The following CNTNAP5 variants were observed in gnomAD, a reference collection of about 807,000 sequenced individuals.
CNTNAP5 encodes contactin associated protein family member 5.
Under a neutral mutation model 150.2 loss-of-function variants are expected in CNTNAP5, and 72 were observed. The ratio of observed to expected loss-of-function variants is 0.48; its 90% CI spans 0.40 to 0.58. CNTNAP5 has a LOEUF of 0.58. CNTNAP5 is among the 20% of genes least tolerant of loss of function. The pLI is 0.00. For synonymous variants in CNTNAP5, 672 were observed against 619.8 expected (o/e 1.08, Z -1.25); for missense variants, 1,636 against 1,626.2 (o/e 1.01, Z -0.10).
At chr2:124,241,373 G>T (rs11898607) in intron 2 of CNTNAP5, among the ~76,000 whole-genome samples, 1,529 of 151,792 alleles carry the variant, frequency 0.01, 22 homozygotes, top group African/African-American at 0.035. Flanking sequence ...ATGCCTCTGA[G>T]ATTTTGTGTA....
chr2:124,316,425 G>A (rs1273426817), intron 3 of CNTNAP5, among the ~76,000 whole-genome samples: 1 of 152,154 alleles, frequency 6.6e-6, no homozygotes, highest in Non-Finnish European at 1.5e-5. Flanking sequence ...TCACAGGACT[G>A]TTAAAAGGTT....
chr2:124,833,249 G>T (rs1349462329), intron 19 of CNTNAP5, among the ~76,000 whole-genome samples: 1 of 152,094 alleles, frequency 6.6e-6, no homozygotes, highest in Non-Finnish European at 1.5e-5. Flanking sequence ...TCTCATGGAA[G>T]AACTTACCCT....
intron 3 of CNTNAP5, among the ~76,000 whole-genome samples, chr2:124,410,448 A>C (rs1049468363): frequency 2.0e-5 from 3 of 149,414 alleles, no homozygotes; most frequent in Non-Finnish European, 4.5e-5. Context: ...ACCACACCAC[A>C]CCTATTCCAA....
chr2:124,413,899 A>T (rs190328135), intron 3 of CNTNAP5, among the ~76,000 whole-genome samples: 8,082 of 127,178 alleles, frequency 0.064, 228 homozygotes, highest in African/African-American at 0.082. Context: ...ATAAATAAAT[A>T]AATTAAAAAA....
At chr2:124,053,450 A>G (rs1681761531) in intron 1 of CNTNAP5, among the ~76,000 whole-genome samples, 1 of 152,208 alleles carries the variant, frequency 6.6e-6, no homozygotes. Context: ...TTCTGTCTTG[A>G]GACAGGTAAA....
At chr2:124,828,735 CAAAAAAAAAAAAAAAAAAAAAAAAAA>C (rs60339676) in intron 19 of CNTNAP5, among the ~76,000 whole-genome samples, 1 of 23,082 alleles carries the variant, frequency 4.3e-5, no homozygotes, top group African/African-American at 1.3e-4. Context: ...CAAGTGTTGG[CAAAAAAAAAAAAAAAAAAAAAAAAAA>C]AAAAAAAAAA....
intron 19 of CNTNAP5, among the ~76,000 whole-genome samples, chr2:124,832,663 C>T (rs2104682871): frequency 6.6e-6 from 1 of 152,032 alleles, no homozygotes; most frequent in South Asian, 2.1e-4. Flanking sequence ...GATAATACTT[C>T]AATGATTACA....
intron 20 of CNTNAP5, among the ~76,000 whole-genome samples, chr2:124,868,190 G>A (rs974170456): frequency 6.6e-6 from 1 of 152,126 alleles, no homozygotes; most frequent in African/African-American, 2.4e-5. Flanking sequence ...AGTGATCCTG[G>A]TGAAGGAATA....
intron 6 of CNTNAP5, among the ~76,000 whole-genome samples, chr2:124,464,162 A>G (rs967643567): frequency 2.6e-5 from 4 of 152,144 alleles, no homozygotes; most frequent in African/African-American, 9.7e-5. Flanking sequence ...GTCAGAAGCC[A>G]TAGGCAGAAT....
At chr2:124,765,372 A>G (rs922178098) in intron 16 of CNTNAP5, among the ~76,000 whole-genome samples, 9 of 152,170 alleles carry the variant, frequency 5.9e-5, no homozygotes, top group Non-Finnish European at 1.3e-4. Context: ...CTGTGGTTCC[A>G]TACATTCATG....
chr2:124,281,761 C>T (rs1688017805), intron 3 of CNTNAP5, among the ~76,000 whole-genome samples: 1 of 152,216 alleles, frequency 6.6e-6, no homozygotes, highest in Middle Eastern at 3.4e-3. Context: ...AGGGTTGTTG[C>T]TGACCGACTA....
At chr2:124,061,537 A>G (rs1200227129) in intron 1 of CNTNAP5, among the ~76,000 whole-genome samples, 1 of 152,182 alleles carries the variant, frequency 6.6e-6, no homozygotes, top group African/African-American at 2.4e-5. Context: ...AAGAAAGAAG[A>G]CCATGGGGAG....
chr2:124,276,420 G>A (rs1687884442), intron 3 of CNTNAP5, among the ~76,000 whole-genome samples: 1 of 152,182 alleles, frequency 6.6e-6, no homozygotes, highest in Non-Finnish European at 1.5e-5. Flanking sequence ...AAACAACTGA[G>A]TGGAACAGCT....
intron 19 of CNTNAP5, among the ~76,000 whole-genome samples, chr2:124,815,419 G>C (rs952199038): frequency 1.5e-4 from 23 of 152,178 alleles, no homozygotes; most frequent in African/African-American, 5.6e-4. Flanking sequence ...TGTGCTGAAA[G>C]CTGAAGGCTT....
rs1401971068 is a variant in CNTNAP5 at position 124,224,516 on chromosome 2, A to G, written c.187+2707A>G. ...ATAATATATAGAGTAAAATGTATAT[A>G]TATATACACACACATATGTAGTTGA... On this transcript the variant is annotated intron_variant, in intron 2 of 23. Transcript: ENST00000682447. 2.6e-5 allele frequency among the ~76,000 whole-genome samples: 4 copies of G among 151,956 alleles called. No individual in the cohort carries two copies. The East Asian group carries it at 5.8e-4, about 22-fold the overall frequency.
At chr2:124,675,900 A>G (rs372111768) in intron 13 of CNTNAP5, among the ~76,000 whole-genome samples, 2 of 151,848 alleles carry the variant, frequency 1.3e-5, no homozygotes, top group Non-Finnish European at 1.5e-5. Flanking sequence ...TGTTCTGTGT[A>G]TGGGCCATAA....
intron 3 of CNTNAP5, among the ~76,000 whole-genome samples, chr2:124,319,860 G>A (rs746431281): frequency 3.3e-5 from 5 of 152,156 alleles, no homozygotes; most frequent in Admixed American, 6.5e-5. Context: ...CCAGTGCAAC[G>A]TGATGGCTAT....
intron 11 of CNTNAP5, among the ~76,000 whole-genome samples, chr2:124,574,880 A>G (rs1317358497): frequency 2.0e-5 from 3 of 152,234 alleles, no homozygotes; most frequent in Non-Finnish European, 4.4e-5. Context: ...ACACAATAAC[A>G]CTGTGACTTA....
At chr2:124,509,058 G>A (rs1406808188) in intron 8 of CNTNAP5, among the ~76,000 whole-genome samples, 1 of 105,900 alleles carries the variant, frequency 9.4e-6, no homozygotes, top group East Asian at 1.9e-4. Context: ...GATAATCAAA[G>A]GTTTATTTGA....
Sources: gnomAD v4.1 joint callset for allele counts (sites outside exome capture counted in the v4.1 genomes callset) on GRCh38, gnomAD v4.1.1 for gene constraint, MANE v1.5 for transcripts, NCBI Gene and HGNC (gene_info 2026-07-23, HGNC 2026-07-21) for gene names.